Variants in ZFPM2 observed in about 807,000 individuals in gnomAD.
ZFPM2 encodes zinc finger protein ZFPM2.
ZFPM2 carries 20 observed loss-of-function variants against 98.6 expected under a neutral mutation model. The observed-to-expected ratio is 0.20, with a 90% confidence interval of 0.14 to 0.29. The LOEUF (loss-of-function observed/expected upper bound fraction) is 0.29. Ranked by LOEUF, ZFPM2 falls within the 10% of genes least tolerant of loss-of-function variation. ZFPM2 has a pLI of 1.00. For missense variants in ZFPM2, 1,310 were observed against 1,388.6 expected, an observed-to-expected ratio of 0.94 and a Z score of 0.90; for synonymous variants, 518 against 502.7, an observed-to-expected ratio of 1.03 and a Z score of -0.41.
intron 1 of ZFPM2, among the ~76,000 whole-genome samples, chr8:105,399,155 G>T (rs1028950348): frequency 1.2e-4 from 18 of 152,330 alleles, no homozygotes; most frequent in African/African-American, 4.3e-4. Flanking sequence ...TCTTTTGTAG[G>T]AGTTTGTGGG....
At chr8:105,413,210 A>T (rs1023008438) in intron 1 of ZFPM2, among the ~76,000 whole-genome samples, 10 of 151,786 alleles carry the variant, frequency 6.6e-5, no homozygotes, top group Admixed American at 1.3e-4. Flanking sequence ...AAGAATACAG[A>T]TTGTTAGGCA....
chr8:105,388,713 C>A (rs898291362), intron 1 of ZFPM2, among the ~76,000 whole-genome samples: 3 of 152,156 alleles, frequency 2.0e-5, no homozygotes, highest in Non-Finnish European at 2.9e-5. Context: ...TGCTGTGGTC[C>A]TGGCTTCTGC....
At chr8:105,738,794 G>A (rs1294930056) in intron 5 of ZFPM2, among the ~76,000 whole-genome samples, 1 of 151,352 alleles carries the variant, frequency 6.6e-6, no homozygotes, top group Non-Finnish European at 1.5e-5. Context: ...TTTTTCATAT[G>A]AAAAAGCAGC....
At chr8:105,721,476 A>G (rs1379844608) in intron 5 of ZFPM2, among the ~76,000 whole-genome samples, 2 of 151,938 alleles carry the variant, frequency 1.3e-5, no homozygotes, top group East Asian at 1.9e-4. Context: ...CAGCTTTTCT[A>G]TGTAATGACA....
At chr8:105,466,311 A>G (rs1186489379) in intron 3 of ZFPM2, among the ~76,000 whole-genome samples, 1 of 152,038 alleles carries the variant, frequency 6.6e-6, no homozygotes, top group Admixed American at 6.6e-5. Context: ...ATGCTAAGAA[A>G]TTATAGGATT....
intron 5 of ZFPM2, among the ~76,000 whole-genome samples, chr8:105,694,526 T>A (rs974343094): frequency 2.6e-5 from 4 of 152,192 alleles, no homozygotes. Context: ...AAAACTGTGT[T>A]AGTAACTCTT....
intron 5 of ZFPM2, among the ~76,000 whole-genome samples, chr8:105,726,176 A>ATT (rs3837169): frequency 0.05 from 7,441 of 150,030 alleles, 599 homozygotes; most frequent in African/African-American, 0.17. Flanking sequence ...AGATGTTGTG[A>ATT]TTTTTTTTTT....
chr8:105,415,351 C>G (rs1404046958), intron 1 of ZFPM2, among the ~76,000 whole-genome samples: 1 of 151,912 alleles, frequency 6.6e-6, no homozygotes, highest in African/African-American at 2.4e-5. Context: ...ACGATTAATT[C>G]TGGTGAGTGT....
intron 5 of ZFPM2, among the ~76,000 whole-genome samples, chr8:105,660,328 A>G (rs1295273889): frequency 6.6e-6 from 1 of 152,148 alleles, no homozygotes; most frequent in African/African-American, 2.4e-5. Flanking sequence ...TCTCAGCTGC[A>G]TTTCCTTTCT....
chr8:105,383,076 G>A (rs1165011271), intron 1 of ZFPM2, among the ~76,000 whole-genome samples: 1 of 152,104 alleles, frequency 6.6e-6, no homozygotes, highest in Non-Finnish European at 1.5e-5. Flanking sequence ...GGCTAGAATA[G>A]TCAGGAAAAA....
chr8:105,802,011 C>T lies in ZFPM2; in HGVS notation c.1929C>T (p.Asp643=). Residue 643 remains aspartate, a synonymous_variant, in exon 8 of 8, where the codon GAC becomes GAT. Transcript: ENST00000407775. ...TTGGGCCAAATGGGAAGGGCCATGA[C>T]AAGGACTTTTCCACTCAAACTAAGA... ...DLIGPNGKGH[D]KDFSTQTKKL... is the part of the protein sequence containing the mutation. 1 of 1,613,792 alleles carries T rather than the reference C, an allele frequency of 6.2e-7. No individual in the cohort carries two copies. The highest frequency in any genetic ancestry group is 1.1e-5 in the South Asian group (1 of 91,080).
At chr8:105,341,022 C>T (rs1430188321) in intron 1 of ZFPM2, among the ~76,000 whole-genome samples, 2 of 151,896 alleles carry the variant, frequency 1.3e-5, no homozygotes, top group African/African-American at 4.8e-5. Context: ...GGACAAATGT[C>T]CCCTAGAGAC....
intron 3 of ZFPM2, among the ~76,000 whole-genome samples, chr8:105,452,573 C>A (rs1490444858): frequency 6.6e-6 from 1 of 151,604 alleles, no homozygotes; most frequent in Admixed American, 6.6e-5. Flanking sequence ...TATTGTGTAA[C>A]CCTCATTTCT....
chr8:105,757,816 T>A (rs1180378808), intron 5 of ZFPM2, among the ~76,000 whole-genome samples: 1 of 151,894 alleles, frequency 6.6e-6, no homozygotes, highest in Non-Finnish European at 1.5e-5. Context: ...AATTATGTCA[T>A]GTGTGCAGAA....
intron 5 of ZFPM2, among the ~76,000 whole-genome samples, chr8:105,656,611 C>T (rs770789399): frequency 2.0e-5 from 3 of 152,074 alleles, no homozygotes; most frequent in African/African-American, 2.4e-5. Flanking sequence ...TCTGCAAGGC[C>T]GTGACTCTTA....
chr8:105,541,031 G>A (rs1181894362), intron 3 of ZFPM2, among the ~76,000 whole-genome samples: 1 of 152,110 alleles, frequency 6.6e-6, no homozygotes, highest in East Asian at 1.9e-4. Flanking sequence ...AGACTGACCT[G>A]TAAGATTCGA....
intron 4 of ZFPM2, among the ~76,000 whole-genome samples, chr8:105,608,937 G>T (rs892419845): frequency 5.3e-5 from 8 of 151,272 alleles, no homozygotes; most frequent in African/African-American, 1.9e-4. Flanking sequence ...TTTAGTGGGG[G>T]GCGTATATCA....
At chr8:105,525,251 G>C (rs552029641) in intron 3 of ZFPM2, among the ~76,000 whole-genome samples, 2 of 152,282 alleles carry the variant, frequency 1.3e-5, no homozygotes, top group East Asian at 3.9e-4. Flanking sequence ...CTCTTGTTCC[G>C]TCAATAGTGT....
At chr8:105,383,041 G>A (rs1810918303) in intron 1 of ZFPM2, among the ~76,000 whole-genome samples, 1 of 152,014 alleles carries the variant, frequency 6.6e-6, no homozygotes, top group African/African-American at 2.4e-5. Flanking sequence ...GGAAATAGGT[G>A]GTTAGGAAGA....
Sources: allele counts gnomAD v4.1 joint callset (sites outside exome capture counted in the v4.1 genomes callset), GRCh38; gene constraint gnomAD v4.1.1; transcripts MANE v1.5; gene names NCBI Gene and HGNC (gene_info 2026-07-23, HGNC 2026-07-21).